NALF1: variants seen among roughly 807,000 people sequenced by gnomAD.
NALF1 encodes the protein NALCN channel auxiliary factor 1.
In NALF1, 3 loss-of-function variants were observed where a neutral mutation model predicts 48.4. The observed-to-expected ratio is 0.06, with a 90% CI of 0.03 to 0.16. The LOEUF is 0.16. Ranked by LOEUF, NALF1 falls within the 10% of genes least tolerant of loss-of-function variation. The pLI, the probability that NALF1 is intolerant of heterozygous loss-of-function variation, is 1.00. For synonymous variants in NALF1, 262 were observed against 245.7 expected (o/e 1.07, Z -0.62); for missense variants, 526 against 571.5 (o/e 0.92, Z 0.81).
At chr13:107,747,970 C>T (rs1477941542) in intron 1 of NALF1, among the ~76,000 whole-genome samples, 12 of 152,112 alleles carry the variant, frequency 7.9e-5, no homozygotes, top group Admixed American at 7.9e-4. Context: ...ATTCTGATTA[C>T]TAATAAGGAA....
intron 1 of NALF1, among the ~76,000 whole-genome samples, chr13:107,360,829 C>T (rs904966078): frequency 6.6e-6 from 1 of 151,996 alleles, no homozygotes; most frequent in East Asian, 1.9e-4. Context: ...TAATCTATAG[C>T]TGCCTATCTC....
intron 1 of NALF1, among the ~76,000 whole-genome samples, chr13:107,674,918 G>A (rs574394915): frequency 1.3e-5 from 2 of 152,226 alleles, no homozygotes; most frequent in South Asian, 2.1e-4. Flanking sequence ...TCTGTTGGAA[G>A]CTTGGAGTTC....
rs542499618 is a variant in NALF1, at chr13:107,362,997, G to GA, written c.916-152243dup. Among the ~76,000 whole-genome samples, 189 of 152,000 alleles carry GA rather than the reference G, an allele frequency of 1.2e-3. 4 individuals are homozygous for GA. The South Asian group carries it at 0.017, about 14-fold the overall frequency. On this transcript the variant is annotated intron_variant, in intron 1 of 2. Coordinates refer to ENST00000375915, the MANE Select transcript of NALF1 (RefSeq NM_001080396.3). This position sits in a 1 kb window ranked among gnomAD's most constrained non-coding sequence, Gnocchi z 4.6. ...CATATAATAATTGGGATCGTAAAGTGAAAAAAATAGATCTTAACCAGGAAA... is the reference window on the plus strand; with the variant it reads ...CATATAATAATTGGGATCGTAAAGTGAAAAAAAATAGATCTTAACCAGGAAA...
At chr13:107,336,621 T>C (rs1882562536) in intron 1 of NALF1, among the ~76,000 whole-genome samples, 1 of 152,112 alleles carries the variant, frequency 6.6e-6, no homozygotes, top group Non-Finnish European at 1.5e-5. Context: ...CAACCAACCC[T>C]GTCCTCCACT....
intron 2 of NALF1, among the ~76,000 whole-genome samples, chr13:107,188,046 C>T (rs569070696): frequency 1.3e-5 from 2 of 152,106 alleles, no homozygotes; most frequent in Admixed American, 1.3e-4. Context: ...ATTTTGGCTT[C>T]AGATCATCAG....
intron 1 of NALF1, among the ~76,000 whole-genome samples, chr13:107,484,581 C>G (rs933652658): frequency 2.0e-5 from 3 of 152,138 alleles, no homozygotes; most frequent in Non-Finnish European, 4.4e-5. Flanking sequence ...ATTCCCAGTG[C>G]CATCCAACAC....
intron 1 of NALF1, among the ~76,000 whole-genome samples, chr13:107,213,212 G>C (rs567771113): frequency 1.3e-4 from 12 of 91,872 alleles, no homozygotes; most frequent in African/African-American, 4.9e-4. Context: ...TATTTCCTTT[G>C]CAGATTTTTT....
chr13:107,368,764 G>A (rs1883196941), intron 1 of NALF1, among the ~76,000 whole-genome samples: 1 of 152,108 alleles, frequency 6.6e-6, no homozygotes, highest in Non-Finnish European at 1.5e-5. Flanking sequence ...CATCTCCAAA[G>A]ACCCCTTTTC....
intron 2 of NALF1, 52 bp from the exon 3 acceptor site, chr13:107,170,838 A>G: frequency 2.0e-6 from 3 of 1,534,382 alleles, no homozygotes; most frequent in Non-Finnish European, 2.7e-6. Flanking sequence ...CATTTGCGAC[A>G]TAGTAGAGTG....
At chr13:107,205,199 TTCC>T (rs1477830774) in intron 2 of NALF1, among the ~76,000 whole-genome samples, 10 of 149,004 alleles carry the variant, frequency 6.7e-5, no homozygotes, top group Non-Finnish European at 1.5e-5. Flanking sequence ...GATGTTCCCC[TTCC>T]TGTGTCCATG....
At chr13:107,238,173 G>A (rs989920694) in intron 1 of NALF1, among the ~76,000 whole-genome samples, 5 of 152,116 alleles carry the variant, frequency 3.3e-5, no homozygotes, top group East Asian at 1.9e-4. Context: ...TTGTTGCAGG[G>A]GTCAAATCCA....
intron 1 of NALF1, among the ~76,000 whole-genome samples, chr13:107,336,289 G>T (rs9514664): frequency 0.82 from 124,348 of 151,592 alleles, 52,483 homozygotes; most frequent in Non-Finnish European, 0.92. Flanking sequence ...GGAGGTGAAG[G>T]TTGCAGTGAG....
intron 1 of NALF1, among the ~76,000 whole-genome samples, chr13:107,780,413 A>G (rs1054786738): frequency 3.9e-5 from 6 of 152,062 alleles, no homozygotes; most frequent in African/African-American, 1.4e-4. Flanking sequence ...TAAGTTTCTG[A>G]TGTTTAATAT....
At chr13:107,351,725 C>A (rs543510478) in intron 1 of NALF1, among the ~76,000 whole-genome samples, 1 of 152,278 alleles carries the variant, frequency 6.6e-6, no homozygotes, top group South Asian at 2.1e-4. Context: ...TTCTTATTCC[C>A]GAATAAACTC....
chr13:107,607,480 C>T (rs1196339022), intron 1 of NALF1, among the ~76,000 whole-genome samples: 2 of 152,084 alleles, frequency 1.3e-5, no homozygotes, highest in Non-Finnish European at 2.9e-5. Context: ...TTCTTCGAAA[C>T]TAGTAGTAAA....
At chr13:107,662,486 T>A (rs963811779) in intron 1 of NALF1, among the ~76,000 whole-genome samples, 1 of 152,192 alleles carries the variant, frequency 6.6e-6, no homozygotes, top group Non-Finnish European at 1.5e-5. Context: ...TTAACCCTGA[T>A]AACTAGCAGA....
intron 1 of NALF1, among the ~76,000 whole-genome samples, chr13:107,488,817 A>G (rs1328425419): frequency 1.3e-5 from 2 of 152,192 alleles, no homozygotes; most frequent in African/African-American, 2.4e-5. Flanking sequence ...TCAAACAGGA[A>G]GAGAGGAAGT....
intron 1 of NALF1, among the ~76,000 whole-genome samples, chr13:107,654,111 A>G (rs935038335): frequency 2.0e-4 from 31 of 152,238 alleles, no homozygotes; most frequent in African/African-American, 7.0e-4. Flanking sequence ...TTCTTTAGAA[A>G]GATAAATAAA....
At chr13:107,191,572 A>G (rs1480999528) in intron 2 of NALF1, among the ~76,000 whole-genome samples, 4 of 152,178 alleles carry the variant, frequency 2.6e-5, no homozygotes, top group Non-Finnish European at 5.9e-5. Context: ...CTGATATGTT[A>G]GAAGCCGGGG....
Sources: allele counts gnomAD v4.1 joint callset (sites outside exome capture counted in the v4.1 genomes callset), GRCh38; gene constraint gnomAD v4.1.1; non-coding constraint Gnocchi (gnomAD v3.1); transcripts MANE v1.5; gene names NCBI Gene and HGNC (gene_info 2026-07-23, HGNC 2026-07-21).